Variants in ZDBF2 observed in about 807,000 individuals in gnomAD.
The protein encoded by ZDBF2 is zinc finger DBF-type containing 2, also known as DBF4-type zinc finger-containing protein 2.
A neutral mutation model predicts 9.4 loss-of-function variants in ZDBF2; 6 were observed. The observed-to-expected ratio is 0.64, with a 90% CI of 0.35 to 1.27. The LOEUF (loss-of-function observed/expected upper bound fraction) is 1.27. Among genes scored for constraint, ZDBF2 ranks in the 50% most tolerant of loss-of-function variants. The pLI is 0.03. For synonymous variants in ZDBF2, 905 were observed against 946.3 expected, an observed-to-expected ratio of 0.96 and a Z score of 0.80; for missense variants, 2,697 against 2,766.8, an observed-to-expected ratio of 0.97 and a Z score of 0.57.
At chr2:206,295,266 G>T (rs1232519821) in intron 3 of ZDBF2, among the ~76,000 whole-genome samples, 1 of 151,970 alleles carries the variant, frequency 6.6e-6, no homozygotes, top group Non-Finnish European at 1.5e-5. Flanking sequence ...AATGAAAGAG[G>T]ATAAGCTTCA....
Position 206,308,056 on chromosome 2 carries a change from A to G in ZDBF2, c.3528A>G (p.Gln1176=), listed in dbSNP as rs1358033083. Residue 1176 remains glutamine (Q), a synonymous_variant, in exon 5 of 5, where the codon CAA becomes CAG. Coordinates refer to ENST00000374423, the MANE Select transcript of ZDBF2 (RefSeq NM_020923.3). ...GTCAGTCAATAGTCAATCGACCTCA[A>G]ATAACTATTTTGGAGCAGGAGCACA... The part of the protein sequence containing the change: ...FLGQSIVNRP[Q]ITILEQEHIE... The G allele has an allele frequency of 1.2e-6, 2 of 1,613,990 alleles. No homozygotes were observed. Among genetic ancestry groups the G allele is most frequent in the Non-Finnish European group, 1.7e-6 (2 of 1,179,844 alleles).
In ZDBF2 at chr2:206,311,638, T is replaced by G; in HGVS notation, c.*45T>G. 1 of 1,410,478 alleles carries G rather than the reference T, an allele frequency of 7.1e-7. No homozygotes were observed. Among genetic ancestry groups the G allele is most frequent in the Non-Finnish European group, 9.3e-7 (1 of 1,077,208 alleles). The allele number at this position is 1,410,478 out of a possible 1,614,324, so 87.4% of individuals were successfully genotyped here. ...GCTAGTTGAGGATTCAGTACTTCAG[T>G]TGAAATATATTTGGTACTTTGTGCA... On this transcript the variant is annotated 3_prime_UTR_variant, in exon 5 of 5. Coordinates refer to ENST00000374423, the MANE Select transcript of ZDBF2 (RefSeq NM_020923.3).
chr2:206,275,181 G>A (rs1690919309), intron 1 of ZDBF2, among the ~76,000 whole-genome samples: 1 of 152,178 alleles, frequency 6.6e-6, no homozygotes, highest in Non-Finnish European at 1.5e-5. Context: ...AGGGAAGGAG[G>A]TGGGGCGCAG....
At chr2:206,276,468 A>AT in intron 1 of ZDBF2, among the ~76,000 whole-genome samples, 1 of 152,282 alleles carries the variant, frequency 6.6e-6, no homozygotes. Flanking sequence ...CATTAGTTTT[A>AT]TTTTTTCTTT....
chr2:206,294,679 T>G (rs1574398844), intron 3 of ZDBF2, among the ~76,000 whole-genome samples: 1 of 152,278 alleles, frequency 6.6e-6, no homozygotes, highest in African/African-American at 2.4e-5. Flanking sequence ...CCAGTGCCTT[T>G]TATTCCCATC....
At chr2:206,276,518 A>G (rs1239305384) in intron 1 of ZDBF2, among the ~76,000 whole-genome samples, 1 of 152,172 alleles carries the variant, frequency 6.6e-6, no homozygotes, top group African/African-American at 2.4e-5. Context: ...TAAGAGTCCT[A>G]ATTATTTGTT....
In ZDBF2 at chr2:206,308,993, A is replaced by G; in HGVS notation, c.4465A>G (p.Lys1489Glu). Residue 1489 changes from lysine (K) to glutamate (E), a missense_variant, in exon 5 of 5, where the codon AAG becomes GAG. Around this residue, in one of 3 missense-constraint regions of ZDBF2, gnomAD observed 1,783 missense variants for 1,776.5 expected, o/e 1.00. Transcript: ENST00000374423. Reference protein sequence around the residue: ...QKEEHVVMEEKTDQPSDSEMM... With the variant: ...QKEEHVVMEEETDQPSDSEMM... ...GGAAGAGCATGTTGTCATGGAAGAAAAGACCGATCAACCTAGTGATTCAGA... is the reference window on the plus strand; with the variant it reads ...GGAAGAGCATGTTGTCATGGAAGAAGAGACCGATCAACCTAGTGATTCAGA... 6.2e-7 allele frequency: 1 copy of G among 1,613,828 alleles called. No homozygotes were observed. Among genetic ancestry groups the G allele is most frequent in the Non-Finnish European group, 8.5e-7 (1 of 1,179,836 alleles).
At position 206,304,892 on chromosome 2, in the gene ZDBF2, C is replaced by T. The variant is rs767105267; in HGVS notation, c.364C>T (p.His122Tyr). 6.2e-7 allele frequency: 1 copy of T among 1,613,700 alleles called. No homozygotes were observed. The highest frequency in any genetic ancestry group is 8.5e-7 in the Non-Finnish European group (1 of 1,179,796). ...TATTGAAGAGTTACATTCCAGACCT[C>T]ATAAATCTCAGGAAGGCACGCAGGA... is the stretch of plus-strand genomic sequence containing the variant. ...EPIEELHSRPHKSQEGTQEVS... is the reference protein window; with the variant it reads ...EPIEELHSRPYKSQEGTQEVS... The change falls in exon 5 of 5, where the codon CAT (histidine) becomes TAT (tyrosine). Residue 122 changes from histidine to tyrosine, a missense_variant. His to Tyr is a moderately conservative substitution (Grantham distance 83). Transcript: ENST00000374423.
chr2:206,279,489 G>A (rs890216354), intron 1 of ZDBF2, 51 bp from the exon 2 acceptor site: 1 of 152,048 alleles, frequency 6.6e-6, no homozygotes, highest in Non-Finnish European at 1.5e-5. Context: ...TTGGTCAATG[G>A]TAGACACTTA....
At chr2:206,287,721 A>C (rs1276489748) in intron 3 of ZDBF2, among the ~76,000 whole-genome samples, 1 of 152,098 alleles carries the variant, frequency 6.6e-6, no homozygotes, top group African/African-American at 2.4e-5. Flanking sequence ...GGTGTCCCAT[A>C]AGTCTTGTAG....
At chr2:206,301,031 C>CT (rs1431406268) in intron 4 of ZDBF2, among the ~76,000 whole-genome samples, 1 of 152,142 alleles carries the variant, frequency 6.6e-6, no homozygotes, top group Non-Finnish European at 1.5e-5. Context: ...TTATCAGCTT[C>CT]TTTTTTCCCT....
rs13432994 is a variant in ZDBF2 at position 206,300,083 on chromosome 2, T to A, written c.188+2710T>A. Among the ~76,000 whole-genome samples, 1,124 of 152,324 alleles carry A rather than the reference T, an allele frequency of 7.4e-3. 14 individuals carry two copies. The highest frequency in any genetic ancestry group is 0.026 in the African/African-American group (1,071 of 41,570). ...GAGATTGTGCCATTGCACTCCAGCC[T>A]GGGCAACAAGAGCGAAACTTGGTCT... On this transcript the variant is annotated intron_variant, in intron 4 of 4. Coordinates refer to ENST00000374423, the MANE Select transcript of ZDBF2 (RefSeq NM_020923.3).
Position 206,309,842 on chromosome 2 carries a change from C to A in ZDBF2, c.5314C>A (p.Pro1772Thr). The change falls in exon 5 of 5, where the codon CCT becomes ACT. Residue 1772 changes from proline to threonine, a missense_variant. Around this residue, in one of 3 missense-constraint regions of ZDBF2, gnomAD observed 1,783 missense variants for 1,776.5 expected, o/e 1.00. Transcript: ENST00000374423. ...TCAAGAAACTGTTAAGAAAAGACAC[C>A]CTTGTAAGAAGGTATCTTCTGACTT... Reference protein sequence around the residue: ...QPQETVKKRHPCKKVSSDLKE... With the variant: ...QPQETVKKRHTCKKVSSDLKE... The A allele has an allele frequency of 1.9e-6, 3 of 1,613,820 alleles. No individual in the cohort carries two copies. Among genetic ancestry groups the A allele is most frequent in the Non-Finnish European group, 2.5e-6 (3 of 1,179,866 alleles).
Position 206,307,364 on chromosome 2 carries a change from A to T in ZDBF2, c.2836A>T (p.Met946Leu), listed in dbSNP as rs755239496. ...AATAAGCCTTCACACAAAAGAGCAC[A>T]TGTACTTAGAAAATAAGAGTGTTTT... The part of the protein sequence containing the change: ...KEISLHTKEH[M>L]YLENKSVFET... Residue 946 changes from methionine (M) to leucine (L), a missense_variant, in exon 5 of 5, where the codon ATG (methionine) becomes TTG (leucine). By Grantham distance (15) the Met-to-Leu change is conservative. Transcript: ENST00000374423. 6.2e-7 allele frequency: 1 copy of T among 1,613,336 alleles called. No homozygotes were observed.
Position 206,309,703 on chromosome 2 carries a change from TA to T in ZDBF2, c.5184del (p.Lys1728AsnfsTer5), listed in dbSNP as rs745875253. ...AGTCAGCGCTCCATCGAAGGGCTGA[TA>T]AAAAAAAACGTTCGAAGCTAAAACA... ...SKSALHRRAD[K>X]KKRSKLKHRD... is the part of the protein sequence containing the mutation. On this transcript the variant is annotated frameshift_variant, in exon 5 of 5. Transcript: ENST00000374423. LOFTEE classifies it low-confidence loss of function (END_TRUNC). 10 of 1,611,454 alleles carry T rather than the reference TA, an allele frequency of 6.2e-6. No individual in the cohort carries two copies. Among genetic ancestry groups the T allele is most frequent in the African/African-American group, 2.7e-5 (2 of 74,460 alleles).
intron 4 of ZDBF2, among the ~76,000 whole-genome samples, chr2:206,299,134 C>T (rs1201267786): frequency 6.6e-6 from 1 of 151,858 alleles, no homozygotes; most frequent in African/African-American, 2.4e-5. Flanking sequence ...GCCTGCCTCG[C>T]CCTCCCAAAG....
chr2:206,299,717 T>C (rs796124612), intron 4 of ZDBF2, among the ~76,000 whole-genome samples: 32 of 151,718 alleles, frequency 2.1e-4, no homozygotes, highest in African/African-American at 7.7e-4. Context: ...ACTACAGGAG[T>C]TGGAGGCTGC....
intron 3 of ZDBF2, among the ~76,000 whole-genome samples, chr2:206,282,819 T>C (rs1343853230): frequency 3.3e-5 from 5 of 152,220 alleles, no homozygotes; most frequent in Non-Finnish European, 7.3e-5. Flanking sequence ...TTCCAGAACA[T>C]TTTAATCACC....
chr2:206,311,791 G>A lies in ZDBF2; in HGVS notation c.*198G>A. On this transcript the variant is annotated 3_prime_UTR_variant, in exon 5 of 5. Transcript: ENST00000374423. Reference sequence around the variant, plus strand: ...CCTTTCATTTTAAGATTCAGAAACAGCCTTTGTCCAACATTTTCTGTAGAA... The same window carrying A: ...CCTTTCATTTTAAGATTCAGAAACAACCTTTGTCCAACATTTTCTGTAGAA... The A allele has an allele frequency of 2.2e-6, 1 of 446,138 alleles. No homozygotes were observed. The highest frequency in any genetic ancestry group is 3.6e-6 in the Non-Finnish European group (1 of 281,576). The allele number at this position is 446,138 out of a possible 1,614,324, so 27.6% of individuals were successfully genotyped here. A position where few individuals can be genotyped will look rare whatever the true frequency, so the allele number is the denominator to read the frequency against.
Sources: gnomAD v4.1 joint callset for allele counts (sites outside exome capture counted in the v4.1 genomes callset) on GRCh38, gnomAD v4.1.1 for gene constraint, gnomAD v4.1.1 regional missense constraint, MANE v1.5 for transcripts, NCBI Gene and HGNC (gene_info 2026-07-23, HGNC 2026-07-21) for gene names.